ARID1B: variants seen among roughly 807,000 people sequenced by gnomAD.
ARID1B encodes AT-rich interactive domain-containing protein 1B.
ARID1B carries 30 observed loss-of-function variants against 212.3 expected under a neutral mutation model. The observed-to-expected ratio is 0.14, with a 90% CI of 0.11 to 0.19. The LOEUF is 0.19. ARID1B is among the 10% of genes least tolerant of loss of function. The pLI is 1.00. For synonymous variants in ARID1B, 1,402 were observed against 1,301.7 expected, an observed-to-expected ratio of 1.08 and a Z score of -1.66; for missense variants, 2,891 against 3,204.0, an observed-to-expected ratio of 0.90 and a Z score of 2.36.
At chr6:156,811,036 G>C (rs1459750311) in intron 1 of ARID1B, among the ~76,000 whole-genome samples, 1 of 152,096 alleles carries the variant, frequency 6.6e-6, no homozygotes, top group Non-Finnish European at 1.5e-5. Flanking sequence ...ACTGGGGAAG[G>C]CCGCCTCAGA....
At chr6:157,181,974 G>A (rs1792575257) in intron 12 of ARID1B, among the ~76,000 whole-genome samples, 1 of 152,208 alleles carries the variant, frequency 6.6e-6, no homozygotes, top group African/African-American at 2.4e-5. Flanking sequence ...AGGATGGGGT[G>A]CAGTGGCTTA....
At chr6:156,819,929 A>G (rs1782236414) in intron 1 of ARID1B, among the ~76,000 whole-genome samples, 1 of 151,866 alleles carries the variant, frequency 6.6e-6, no homozygotes, top group Non-Finnish European at 1.5e-5. Flanking sequence ...TGGAGGGGAG[A>G]TTTCCTGCTG....
At chr6:157,047,210 A>G (rs1422638458) in intron 4 of ARID1B, among the ~76,000 whole-genome samples, 1 of 152,170 alleles carries the variant, frequency 6.6e-6, no homozygotes, top group African/African-American at 2.4e-5. Flanking sequence ...AGTTTATTCC[A>G]ATTGGAATGG....
At chr6:157,076,315 T>TG (rs1784304000) in intron 4 of ARID1B, among the ~76,000 whole-genome samples, 1 of 135,934 alleles carries the variant, frequency 7.4e-6, no homozygotes, top group African/African-American at 2.8e-5. Flanking sequence ...TTGTTTGTTT[T>TG]GTTTTTTTTT....
At chr6:156,989,228 A>T (rs1336738860) in intron 4 of ARID1B, among the ~76,000 whole-genome samples, 1 of 152,116 alleles carries the variant, frequency 6.6e-6, no homozygotes, top group African/African-American at 2.4e-5. Context: ...CAGCCACACT[A>T]TGTCTCTACT....
rs115076092 is a variant in ARID1B at position 156,789,376 on chromosome 6, C to T, written c.1791+9905C>T. 4.5e-3 allele frequency among the ~76,000 whole-genome samples: 680 copies of T among 152,258 alleles called. 6 individuals are homozygous for T. Among genetic ancestry groups the T allele is most frequent in the African/African-American group, 0.016 (658 of 41,554 alleles). Reference sequence around the variant, plus strand: ...CGTCAGGGCTTTGGAACTATAGATTCGTGTCATCACAGCAATAATGTGGGC... The same window carrying T: ...CGTCAGGGCTTTGGAACTATAGATTTGTGTCATCACAGCAATAATGTGGGC... On this transcript the variant is annotated intron_variant, in intron 1 of 19. Coordinates refer to ENST00000636930, the MANE Select transcript of ARID1B (RefSeq NM_001374828.1).
chr6:156,878,125 C>T (rs752895631), intron 2 of ARID1B, among the ~76,000 whole-genome samples: 5 of 152,146 alleles, frequency 3.3e-5, no homozygotes, highest in African/African-American at 1.2e-4. Flanking sequence ...GCCAGCTGGG[C>T]GTCACGTTCT....
At chr6:156,789,341 G>A (rs1376991691) in intron 1 of ARID1B, among the ~76,000 whole-genome samples, 1 of 152,134 alleles carries the variant, frequency 6.6e-6, no homozygotes, top group South Asian at 2.1e-4. Flanking sequence ...TCACTGTATT[G>A]AACTGTGTGC....
chr6:156,845,013 CCAT>C (rs1482375998), intron 2 of ARID1B, among the ~76,000 whole-genome samples: 3 of 152,090 alleles, frequency 2.0e-5, no homozygotes, highest in Non-Finnish European at 4.4e-5. Context: ...TCATGGATGA[CCAT>C]CATCTTTTGA....
chr6:157,027,991 T>G (rs1404571771), intron 4 of ARID1B, among the ~76,000 whole-genome samples: 1 of 152,242 alleles, frequency 6.6e-6, no homozygotes, highest in East Asian at 1.9e-4. Context: ...AAGAGTTTAT[T>G]TATTACATTT....
intron 7 of ARID1B, among the ~76,000 whole-genome samples, chr6:157,142,130 G>A (rs1789404291): frequency 6.6e-6 from 1 of 152,186 alleles, no homozygotes; most frequent in South Asian, 2.1e-4. Flanking sequence ...TATACTGTGT[G>A]ACTCCATGTG....
chr6:156,823,925 A>G (rs189668726), intron 1 of ARID1B, among the ~76,000 whole-genome samples: 1 of 152,262 alleles, frequency 6.6e-6, no homozygotes, highest in Non-Finnish European at 1.5e-5. Flanking sequence ...TTTAAAGTAT[A>G]CTAAAAGTAT....
chr6:156,982,664 A>G (rs950721638), intron 4 of ARID1B, among the ~76,000 whole-genome samples: 2 of 152,108 alleles, frequency 1.3e-5, no homozygotes, highest in Non-Finnish European at 2.9e-5. Flanking sequence ...CTATCTGCCA[A>G]TCTGACTGTT....
chr6:157,202,882 TTGTGTGTTTA>T lies in ARID1B; in HGVS notation c.5264-976_5264-967del, dbSNP rs1289837064. Reference sequence around the variant, plus strand: ...ATATATACACACACACACACGTGTATTGTGTGTTTATGTGTGTATATGTATGTTTAAATAA... The same window carrying T: ...ATATATACACACACACACACGTGTATTGTGTGTATATGTATGTTTAAATAA... On this transcript the variant is annotated intron_variant, in intron 18 of 19. Transcript: ENST00000636930. Among the ~76,000 whole-genome samples the T allele has an allele frequency of 5.9e-5, 9 of 152,122 alleles. 1 individual carries two copies. In the East Asian group the frequency reaches 1.5e-3, roughly 26 times the overall value.
intron 4 of ARID1B, among the ~76,000 whole-genome samples, chr6:156,967,521 G>A (rs1399770229): frequency 6.6e-6 from 1 of 151,656 alleles, no homozygotes; most frequent in Non-Finnish European, 1.5e-5. Context: ...TGAGAGAAGA[G>A]GAGGAGGGAG....
intron 6 of ARID1B, among the ~76,000 whole-genome samples, chr6:157,121,577 G>C (rs546202397): frequency 2.0e-5 from 3 of 149,534 alleles, no homozygotes; most frequent in South Asian, 2.1e-4. Context: ...AAGCAACATT[G>C]GATCTTTGCT....
At chr6:156,886,653 T>C (rs993369284) in intron 2 of ARID1B, among the ~76,000 whole-genome samples, 7 of 152,236 alleles carry the variant, frequency 4.6e-5, no homozygotes, top group African/African-American at 1.7e-4. Flanking sequence ...GGTGAAATTA[T>C]GCAGGTTTCC....
chr6:156,834,840 CA>C (rs1382634285), intron 2 of ARID1B, among the ~76,000 whole-genome samples: 4 of 152,268 alleles, frequency 2.6e-5, no homozygotes, highest in African/African-American at 9.6e-5. Context: ...TAAGGTTTAC[CA>C]GCAAAATACA....
At chr6:156,873,013 T>TACCAGAACTGTCG (rs1562450293) in intron 2 of ARID1B, among the ~76,000 whole-genome samples, 1 of 152,042 alleles carries the variant, frequency 6.6e-6, no homozygotes, top group Non-Finnish European at 1.5e-5. Flanking sequence ...CAGCCATTCT[T>TACCAGAACTGTCG]ACCAGAACTG....
Sources: allele counts gnomAD v4.1 joint callset (sites outside exome capture counted in the v4.1 genomes callset), GRCh38; gene constraint gnomAD v4.1.1; transcripts MANE v1.5; gene names NCBI Gene and HGNC (gene_info 2026-07-23, HGNC 2026-07-21).